DLG1: variants seen among roughly 807,000 people sequenced by gnomAD.
DLG1 encodes the protein disks large homolog 1.
DLG1 carries 42 observed loss-of-function variants against 123.4 expected under a neutral mutation model. The ratio of observed to expected loss-of-function variants is 0.34; its 90% CI spans 0.27 to 0.44. The LOEUF (loss-of-function observed/expected upper bound fraction) is 0.44. DLG1 is among the 20% of genes least tolerant of loss of function. The pLI is 1.00. For synonymous variants in DLG1, 317 were observed against 356.2 expected (o/e 0.89, Z 1.24); for missense variants, 942 against 1,082.6 (o/e 0.87, Z 1.82).
At chr3:197,098,355 C>G (rs543834998) in intron 14 of DLG1, among the ~76,000 whole-genome samples, 4 of 152,168 alleles carry the variant, frequency 2.6e-5, no homozygotes, top group Non-Finnish European at 5.9e-5. Context: ...GAACACATTA[C>G]TTTTTAGTGA....
chr3:197,158,303 C>A (rs1797220378), intron 5 of DLG1, among the ~76,000 whole-genome samples: 1 of 151,880 alleles, frequency 6.6e-6, no homozygotes, highest in Non-Finnish European at 1.5e-5. Context: ...AAATTGGAAT[C>A]CTTGTGCACT....
chr3:197,298,116 A>C, intron 1 of DLG1: 1 of 209,158 alleles, frequency 4.8e-6, no homozygotes, highest in Non-Finnish European at 8.5e-6. Context: ...ACTTTCCGCC[A>C]AGATGGCGGC....
intron 5 of DLG1, among the ~76,000 whole-genome samples, chr3:197,180,092 T>C (rs1379080816): frequency 6.7e-6 from 1 of 149,116 alleles, no homozygotes; most frequent in African/African-American, 2.5e-5. Context: ...TTTTTGAGTA[T>C]TTATAGTGCT....
At chr3:197,059,818 G>T in intron 23 of DLG1, 71 bp downstream of exon 23, 2 of 933,426 alleles carry the variant, frequency 2.1e-6, no homozygotes, top group Non-Finnish European at 1.7e-6. Context: ...GAGATGCAGG[G>T]AGAGTAAATA....
At chr3:197,076,057 C>T (rs548975876) in intron 18 of DLG1, among the ~76,000 whole-genome samples, 190 of 152,150 alleles carry the variant, frequency 1.2e-3, no homozygotes, top group African/African-American at 4.4e-3. Flanking sequence ...CTGTAATCTA[C>T]CAAAAGAATG....
At chr3:197,253,359 A>G (rs1411602652) in intron 4 of DLG1, among the ~76,000 whole-genome samples, 1 of 152,228 alleles carries the variant, frequency 6.6e-6, no homozygotes, top group African/African-American at 2.4e-5. Flanking sequence ...ATGTGGCTAC[A>G]CATCGATGAC....
chr3:197,064,213 G>A (rs1031644038), intron 22 of DLG1, among the ~76,000 whole-genome samples: 3 of 144,162 alleles, frequency 2.1e-5, no homozygotes, highest in African/African-American at 7.8e-5. Context: ...TTTTTTTTGA[G>A]GCAGAGTTTC....
At chr3:197,124,239 G>T (rs941482790) in intron 11 of DLG1, among the ~76,000 whole-genome samples, 1 of 152,168 alleles carries the variant, frequency 6.6e-6, no homozygotes, top group Non-Finnish European at 1.5e-5. Context: ...TCAGGTAAAA[G>T]AATCTTTTTA....
At chr3:197,299,015 C>G (rs1778691176), upstream of DLG1, 1 of 153,466 alleles carries the variant, frequency 6.5e-6, no homozygotes, top group African/African-American at 2.4e-5. Flanking sequence ...AGGTGTTACC[C>G]AAACTCTGAC....
intron 6 of DLG1, among the ~76,000 whole-genome samples, chr3:197,146,238 T>G (rs901421096): frequency 3.3e-5 from 5 of 152,064 alleles, no homozygotes; most frequent in African/African-American, 1.2e-4. Context: ...AAAAGCAATC[T>G]ACAAATTCAA....
chr3:197,140,376 G>A (rs1301692272), intron 7 of DLG1, 112 bp from the exon 8 acceptor site: 9 of 1,037,318 alleles, frequency 8.7e-6, no homozygotes, highest in Admixed American at 2.5e-5. Flanking sequence ...AACAAATAAA[G>A]GTATATGGGT....
In DLG1 at chr3:197,076,649, A is replaced by C. The variant is rs761558339; in HGVS notation, c.1942T>G (p.Ser648Ala). The change falls in exon 18 of 25, where the codon TCC (serine) becomes GCC (alanine). Residue 648 changes from serine (S) to alanine (A), a missense_variant. By Grantham distance (99) the Ser-to-Ala change is moderately conservative. Transcript: ENST00000667157. ...TTCTTGTAGAAGGGGAATTTTCGGG[A>C]AAAGAGGTTCTTTTTACGCTTGTCA... Reference protein sequence around the residue: ...FNDKRKKNLFSRKFPFYKNKD... With the variant: ...FNDKRKKNLFARKFPFYKNKD... The C allele has an allele frequency of 1.2e-6, 2 of 1,612,996 alleles. No homozygotes were observed. The highest frequency in any genetic ancestry group is 2.2e-5 in the South Asian group (2 of 91,030).
At chr3:197,096,820 G>T (rs1445982173) in intron 14 of DLG1, among the ~76,000 whole-genome samples, 1 of 152,100 alleles carries the variant, frequency 6.6e-6, no homozygotes, top group African/African-American at 2.4e-5. Flanking sequence ...TTCTGGTACA[G>T]CTTGACTGTG....
chr3:197,230,913 T>C (rs1456801633), intron 4 of DLG1, among the ~76,000 whole-genome samples: 8 of 152,214 alleles, frequency 5.3e-5, no homozygotes, highest in Admixed American at 4.6e-4. Flanking sequence ...GACATTGCTT[T>C]CCATGATTCT....
intron 10 of DLG1, among the ~76,000 whole-genome samples, chr3:197,133,325 C>T (rs1049132677): frequency 1.3e-5 from 2 of 152,198 alleles, no homozygotes; most frequent in African/African-American, 2.4e-5. Flanking sequence ...ACCTGGCTAA[C>T]AGTCCCAGCT....
At chr3:197,096,420 G>A (rs1190473754) in intron 14 of DLG1, among the ~76,000 whole-genome samples, 1 of 152,144 alleles carries the variant, frequency 6.6e-6, no homozygotes, top group East Asian at 1.9e-4. Flanking sequence ...CTCAGGCTCT[G>A]ACTCCTGAAA....
chr3:197,237,477 T>C (rs1746588130), intron 4 of DLG1, among the ~76,000 whole-genome samples: 1 of 152,192 alleles, frequency 6.6e-6, no homozygotes, highest in Non-Finnish European at 1.5e-5. Flanking sequence ...ATACAACTTT[T>C]AGATGACAAC....
chr3:197,169,558 G>A (rs1247380026), intron 5 of DLG1, among the ~76,000 whole-genome samples: 1 of 152,138 alleles, frequency 6.6e-6, no homozygotes, highest in Non-Finnish European at 1.5e-5. Flanking sequence ...TAAAAGAGTT[G>A]CAAGGCTATC....
intron 4 of DLG1, among the ~76,000 whole-genome samples, chr3:197,209,440 T>TA (rs1410717161): frequency 6.8e-6 from 1 of 146,684 alleles, no homozygotes; most frequent in Non-Finnish European, 1.5e-5. Flanking sequence ...ACAATTTTAG[T>TA]AAGAGATTTA....
Sources: allele counts gnomAD v4.1 joint callset (sites outside exome capture counted in the v4.1 genomes callset), GRCh38; gene constraint gnomAD v4.1.1; transcripts MANE v1.5; gene names NCBI Gene and HGNC (gene_info 2026-07-23, HGNC 2026-07-21).